The following CLVS1 variants were observed in gnomAD, a reference collection of about 807,000 sequenced individuals.
The protein encoded by CLVS1 is clavesin 1, also known as clavesin-1.
Under a neutral mutation model 33.1 loss-of-function variants are expected in CLVS1, and 10 were observed. The ratio of observed to expected loss-of-function variants is 0.30; its 90% CI spans 0.19 to 0.51. The LOEUF is 0.51. Among genes scored for constraint, CLVS1 ranks in the 20% least tolerant of loss-of-function variants. The pLI, the probability that CLVS1 is intolerant of heterozygous loss-of-function variation, is 0.97. For synonymous variants in CLVS1, 163 were observed against 166.1 expected, an observed-to-expected ratio of 0.98 and a Z score of 0.14; for missense variants, 343 against 433.4, an observed-to-expected ratio of 0.79 and a Z score of 1.85.
chr8:61,129,682 G>A (rs1028219837), intron 1 of CLVS1, among the ~76,000 whole-genome samples: 1 of 152,134 alleles, frequency 6.6e-6, no homozygotes, highest in Non-Finnish European at 1.5e-5. Flanking sequence ...TGGAAGGGAA[G>A]ACCAAGCTCC....
At chr8:61,463,572 G>T (rs77372101) in intron 5 of CLVS1, among the ~76,000 whole-genome samples, 1 of 152,136 alleles carries the variant, frequency 6.6e-6, no homozygotes, top group Non-Finnish European at 1.5e-5. Context: ...CAATACTGTT[G>T]TGTCTCAAGG....
intron 2 of CLVS1, among the ~76,000 whole-genome samples, chr8:61,256,517 AC>A (rs1361809019): frequency 1.3e-5 from 2 of 152,234 alleles, no homozygotes; most frequent in Non-Finnish European, 2.9e-5. Context: ...CGTCTCAAAA[AC>A]AAAAAACAAA....
At chr8:61,070,719 A>G (rs1804779127) in intron 1 of CLVS1, among the ~76,000 whole-genome samples, 1 of 152,228 alleles carries the variant, frequency 6.6e-6, no homozygotes, top group Admixed American at 6.5e-5. Context: ...GTACACCTGT[A>G]GTCCCAGTTA....
upstream of CLVS1, among the ~76,000 whole-genome samples, chr8:61,284,573 G>A (rs1276415054): frequency 6.6e-6 from 1 of 152,198 alleles, no homozygotes. Flanking sequence ...AAAGACCAAA[G>A]TGTCGGTAGT....
intron 5 of CLVS1, among the ~76,000 whole-genome samples, chr8:61,495,065 T>G (rs1477678732): frequency 6.6e-6 from 1 of 152,212 alleles, no homozygotes; most frequent in African/African-American, 2.4e-5. Flanking sequence ...GCATTCTGGG[T>G]CTGTGCTGCC....
intron 2 of CLVS1, among the ~76,000 whole-genome samples, chr8:61,155,551 C>T (rs1233452304): frequency 1.7e-5 from 2 of 120,940 alleles, no homozygotes; most frequent in East Asian, 1.9e-4. Flanking sequence ...CCAGTAGGAA[C>T]AATTTTTTTT....
At chr8:61,470,974 C>T (rs369989948) in intron 5 of CLVS1, among the ~76,000 whole-genome samples, 21 of 152,304 alleles carry the variant, frequency 1.4e-4, no homozygotes, top group Admixed American at 1.0e-3. Context: ...CACCAACAAG[C>T]GCCCTCACTG....
intron 5 of CLVS1, among the ~76,000 whole-genome samples, chr8:61,466,701 G>A (rs190375978): frequency 3.8e-3 from 572 of 152,266 alleles, no homozygotes; most frequent in African/African-American, 0.013. Context: ...AGGCTGGAGT[G>A]CAGTGGCACG....
chr8:61,307,908 T>G (rs1263599572), intron 2 of CLVS1, among the ~76,000 whole-genome samples: 1 of 152,106 alleles, frequency 6.6e-6, no homozygotes, highest in Non-Finnish European at 1.5e-5. Context: ...TACATATTAT[T>G]TAGCTCCCAT....
chr8:61,388,618 A>T (rs1360525270), intron 3 of CLVS1, among the ~76,000 whole-genome samples: 1 of 151,758 alleles, frequency 6.6e-6, no homozygotes, highest in Non-Finnish European at 1.5e-5. Flanking sequence ...TTTTTTTGTT[A>T]TATCTTTTTT....
the CLVS1 span, among the ~76,000 whole-genome samples, chr8:60,990,808 A>G: frequency 6.6e-6 from 1 of 150,820 alleles, no homozygotes; most frequent in Non-Finnish European, 1.5e-5. Flanking sequence ...TCCTGGTTTC[A>G]AGCGATTCTC....
intron 2 of CLVS1, among the ~76,000 whole-genome samples, chr8:61,357,939 C>A (rs1812812018): frequency 6.6e-6 from 1 of 152,136 alleles, no homozygotes; most frequent in Non-Finnish European, 1.5e-5. Context: ...GATCCCTTCC[C>A]ACTGTGATAT....
At chr8:60,967,777 T>G in the CLVS1 span, 1 of 447,638 alleles carries the variant, frequency 2.2e-6, no homozygotes, top group South Asian at 1.6e-5. Context: ...TTGCTTTCTT[T>G]TTCCTCTTAT....
chr8:61,225,922 C>T (rs1808319207), intron 2 of CLVS1, among the ~76,000 whole-genome samples: 1 of 152,218 alleles, frequency 6.6e-6, no homozygotes. Flanking sequence ...TGGGTAGCAA[C>T]TGCTAAATGT....
intron 2 of CLVS1, among the ~76,000 whole-genome samples, chr8:61,343,511 A>T (rs1812098912): frequency 6.6e-6 from 1 of 152,216 alleles, no homozygotes; most frequent in Admixed American, 6.5e-5. Flanking sequence ...CTCCAGAGCT[A>T]AAGACAATGT....
At chr8:61,222,768 C>T (rs1041356549) in intron 2 of CLVS1, among the ~76,000 whole-genome samples, 1 of 152,176 alleles carries the variant, frequency 6.6e-6, no homozygotes, top group Non-Finnish European at 1.5e-5. Context: ...CTAATACTGA[C>T]AGTGGGGTGT....
At chr8:61,376,911 A>G (rs1813667732) in intron 3 of CLVS1, 132 bp downstream of exon 3, 1 of 769,192 alleles carries the variant, frequency 1.3e-6, no homozygotes, top group Non-Finnish European at 1.9e-6. Context: ...TGAGTACTCC[A>G]TGTTTTTGCC....
the CLVS1 span, among the ~76,000 whole-genome samples, chr8:61,034,024 G>A: frequency 6.6e-6 from 1 of 152,048 alleles, no homozygotes; most frequent in South Asian, 2.1e-4. Context: ...CAAGTTCAGC[G>A]GGAGAGGCCA....
chr8:61,059,053 A>G (rs1804530416), intron 1 of CLVS1, among the ~76,000 whole-genome samples: 1 of 152,154 alleles, frequency 6.6e-6, no homozygotes, highest in Non-Finnish European at 1.5e-5. Flanking sequence ...TTTGTTGGGT[A>G]GATATCCAGG....
Sources: allele counts gnomAD v4.1 joint callset (sites outside exome capture counted in the v4.1 genomes callset), GRCh38; gene constraint gnomAD v4.1.1; transcripts MANE v1.5; gene names NCBI Gene and HGNC (gene_info 2026-07-23, HGNC 2026-07-21).